The following RIF1 variants were observed in gnomAD, a reference collection of about 807,000 sequenced individuals.
RIF1 encodes telomere-associated protein RIF1.
A neutral mutation model predicts 247.1 loss-of-function variants in RIF1; 45 were observed. The ratio of observed to expected loss-of-function variants is 0.18; its 90% confidence interval spans 0.14 to 0.23. RIF1 has a LOEUF of 0.23. Among genes scored for constraint, RIF1 ranks in the 10% least tolerant of loss-of-function variants. The pLI is 1.00. For synonymous variants in RIF1, 1,087 were observed against 978.8 expected, an observed-to-expected ratio of 1.11 and a Z score of -2.06; for missense variants, 2,967 against 2,862.5, an observed-to-expected ratio of 1.04 and a Z score of -0.83.
chr2:151,497,101 G>C (rs2060742909), intron 10 of RIF1: 15 of 1,506,428 alleles, frequency 1.0e-5, no homozygotes, highest in African/African-American at 1.4e-5. Context: ...AGGTTTTAAG[G>C]GTAAGGTCAG....
At chr2:151,414,200 C>T (rs1686789012) in intron 3 of RIF1, among the ~76,000 whole-genome samples, 2 of 151,910 alleles carry the variant, frequency 1.3e-5, no homozygotes, top group African/African-American at 2.4e-5. Flanking sequence ...ATCCCAGCTG[C>T]TCTTGAACCT....
At chr2:151,493,470 G>C (rs768202865) in intron 9 of RIF1, 1 of 1,476,302 alleles carries the variant, frequency 6.8e-7, no homozygotes. Flanking sequence ...AGAGCATCTA[G>C]GCATCAGACA....
chr2:151,416,537 A>G (rs761600464), intron 4 of RIF1, 24 bp from the exon 5 acceptor site: 3 of 1,575,964 alleles, frequency 1.9e-6, no homozygotes, highest in Non-Finnish European at 1.7e-6. Context: ...ATTCTATACA[A>G]AATTAAAACT....
Position 151,436,943 on chromosome 2 carries a change from T to A in RIF1, c.1312T>A (p.Phe438Ile). 6.2e-7 allele frequency: 1 copy of A among 1,614,154 alleles called. No homozygotes were observed. Among genetic ancestry groups the A allele is most frequent in the Middle Eastern group, 1.7e-4 (1 of 6,060 alleles). Residue 438 changes from phenylalanine (F) to isoleucine (I), a missense_variant, in exon 12 of 36, where the codon TTC (phenylalanine) becomes ATC (isoleucine). Around this residue, in one of 7 missense-constraint regions of RIF1, gnomAD observed 369 missense variants for 322.0 expected, o/e 1.15. Coordinates refer to ENST00000444746, the MANE Select transcript of RIF1 (RefSeq NM_018151.5). ...TTTGGGACTTGAAATGTTGCTTCAT[T>A]TCTTGTTGGGTCCAGAAGCCTTGAG... ...QLLGLEMLLH[F>I]LLGPEALSFA... is the part of the protein sequence containing the mutation.
rs1453301973 is a variant in RIF1 at position 151,460,050 on chromosome 2, A to G, written c.3006A>G (p.Ser1002=). 1.3e-6 allele frequency: 2 copies of G among 1,574,588 alleles called. No homozygotes were observed. Among genetic ancestry groups the G allele is most frequent in the Middle Eastern group, 1.7e-4 (1 of 5,980 alleles). Reference sequence around the variant, plus strand: ...AGATAAGTGGCATGGAGAGAAAATCAAATGGAAAAAGAGATTCATTTTTGG... The same window carrying G: ...AGATAAGTGGCATGGAGAGAAAATCGAATGGAAAAAGAGATTCATTTTTGG... ...NVKISGMERK[S]NGKRDSFLAQ... Residue 1002 remains serine (S), a synonymous_variant, in exon 26 of 36, where the codon TCA becomes TCG. Coordinates refer to ENST00000444746, the MANE Select transcript of RIF1 (RefSeq NM_018151.5).
rs1266313021 is a variant in RIF1 at position 151,440,745 on chromosome 2, T to A, written c.1647+618T>A. 1.4e-4 allele frequency among the ~76,000 whole-genome samples: 21 copies of A among 152,346 alleles called. No individual in the cohort carries two copies. The East Asian group carries it at 4.0e-3, about 29-fold the overall frequency. ...ATACTAGGTTGAATACCAGCCTAAC[T>A]ATTCATTAGCTGAGTAAATTTGTGC... On this transcript the variant is annotated intron_variant, in intron 15 of 35. Transcript: ENST00000444746.
intron 14 of RIF1, 22 bp downstream of exon 14, chr2:151,438,768 A>G (rs1310754699): frequency 6.5e-7 from 1 of 1,539,472 alleles, no homozygotes; most frequent in Non-Finnish European, 9.0e-7. Flanking sequence ...TACACTGATC[A>G]AATGTTGTTT....
At chr2:151,419,310 C>A (rs1190259981) in intron 6 of RIF1, among the ~76,000 whole-genome samples, 1 of 151,822 alleles carries the variant, frequency 6.6e-6, no homozygotes, top group South Asian at 2.1e-4. Flanking sequence ...GTAACTTAGT[C>A]ATTTATTTTT....
Position 151,429,305 on chromosome 2 carries a change from C to T in RIF1, c.925+383C>T, listed in dbSNP as rs563890676. 4.3e-3 allele frequency among the ~76,000 whole-genome samples: 650 copies of T among 152,212 alleles called. 8 individuals are homozygous for T. Among genetic ancestry groups the T allele is most frequent in the African/African-American group, 0.015 (615 of 41,516 alleles). On this transcript the variant is annotated intron_variant, in intron 9 of 35. Coordinates refer to ENST00000444746, the MANE Select transcript of RIF1 (RefSeq NM_018151.5). ...AAGAGATTCTCCTGCCTCAGCCTCCCGAGTAGCTGGGATTACAGGTGCCCA... is the reference window on the plus strand; with the variant it reads ...AAGAGATTCTCCTGCCTCAGCCTCCTGAGTAGCTGGGATTACAGGTGCCCA...
chr2:151,440,463 AGTTGGTACTTT>A (rs527415748), intron 15 of RIF1, among the ~76,000 whole-genome samples: 81 of 152,170 alleles, frequency 5.3e-4, no homozygotes, highest in Non-Finnish European at 1.1e-3. Context: ...AACTACTAAT[AGTTGGTACTTT>A]GTTTTCAATT....
At chr2:151,468,607 C>G in intron 32 of RIF1, 34 bp from the exon 33 acceptor site, 2 of 1,602,778 alleles carry the variant, frequency 1.2e-6, no homozygotes, top group Non-Finnish European at 1.7e-6. Context: ...AGTCAGTTGA[C>G]CTCTGTGTAA....
At chr2:151,530,948 A>C in the RIF1 span, 3 of 1,283,534 alleles carry the variant, frequency 2.3e-6, no homozygotes, top group Non-Finnish European at 3.4e-6. Context: ...ATCTCATTAG[A>C]AGGAGGCCAA....
At chr2:151,508,537 G>A (rs956654837), downstream of RIF1, among the ~76,000 whole-genome samples, 1 of 152,158 alleles carries the variant, frequency 6.6e-6, no homozygotes, top group African/African-American at 2.4e-5. Flanking sequence ...TCAAAGACAT[G>A]ACCTCTAGAA....
Position 151,463,263 on chromosome 2 carries a change from C to T in RIF1, c.3743C>T (p.Thr1248Ile), listed in dbSNP as rs534409765. The change falls in exon 30 of 36, where the codon ACA (threonine) becomes ATA (isoleucine). Residue 1248 changes from threonine (T) to isoleucine (I), a missense_variant. Around this residue, in one of 7 missense-constraint regions of RIF1, gnomAD observed 2,028 missense variants for 1,825.6 expected, o/e 1.11. Transcript: ENST00000444746. ...TTGAATAATATTTCATCAACTGTTA[C>T]AGTGAAAAATAACCAGGAAACCATG... ...SPLNNISSTVTVKNNQETMIK... is the reference protein window; with the variant it reads ...SPLNNISSTVIVKNNQETMIK... The T allele has an allele frequency of 2.0e-5, 32 of 1,613,122 alleles. No homozygotes were observed. The South Asian group carries it at 2.5e-4, about 13-fold the overall frequency.
downstream of RIF1, among the ~76,000 whole-genome samples, chr2:151,484,692 G>C (rs1301568365): frequency 6.6e-6 from 1 of 152,212 alleles, no homozygotes. Context: ...TTGCCTACTT[G>C]CATTTTTATC....
chr2:151,503,973 CTTTACCTGAAAT>C (rs1041947675), intron 12 of RIF1, among the ~76,000 whole-genome samples: 4 of 152,118 alleles, frequency 2.6e-5, no homozygotes, highest in Non-Finnish European at 5.9e-5. Flanking sequence ...GGAAGAGCAT[CTTTACCTGAAAT>C]TTTTACTGCT....
intron 16 of RIF1, among the ~76,000 whole-genome samples, chr2:151,442,777 T>A (rs1692569498): frequency 6.8e-6 from 1 of 146,030 alleles, no homozygotes; most frequent in Non-Finnish European, 1.5e-5. Flanking sequence ...ATTTTTTTTT[T>A]TTTTTTTTTT....
Position 151,477,397 on chromosome 2 carries a change from A to G in RIF1, c.*2326A>G, listed in dbSNP as rs1356699083. ...TATTTAAGAAGAAAAAACTAGTGGCATACAGGATTGTCATGTAGTATCTTT... is the reference window on the plus strand; with the variant it reads ...TATTTAAGAAGAAAAAACTAGTGGCGTACAGGATTGTCATGTAGTATCTTT... On this transcript the variant is annotated 3_prime_UTR_variant, in exon 36 of 36. Coordinates refer to ENST00000444746, the MANE Select transcript of RIF1 (RefSeq NM_018151.5). 1.3e-5 allele frequency: 2 copies of G among 151,856 alleles called. No homozygotes were observed. The highest frequency in any genetic ancestry group is 2.9e-5 in the Non-Finnish European group (2 of 68,000). 9.4% of individuals were successfully genotyped at this position (151,856 alleles called of 1,614,324 possible).
intron 6 of RIF1, 144 bp from the exon 7 acceptor site, chr2:151,420,042 GATCT>G (rs1687909695): frequency 8.1e-6 from 5 of 613,700 alleles, no homozygotes; most frequent in Non-Finnish European, 1.3e-5. Context: ...GTAAAAATAA[GATCT>G]ATTTCTTGTG....
Sources: gnomAD v4.1 joint callset for allele counts (sites outside exome capture counted in the v4.1 genomes callset) on GRCh38, gnomAD v4.1.1 for gene constraint, gnomAD v4.1.1 regional missense constraint, MANE v1.5 for transcripts, NCBI Gene and HGNC (gene_info 2026-07-23, HGNC 2026-07-21) for gene names.